The following PSME4 variants were observed in gnomAD, a reference collection of about 807,000 sequenced individuals.
The protein encoded by PSME4 is proteasome activator complex subunit 4.
A neutral mutation model predicts 253.9 loss-of-function variants in PSME4; 89 were observed. The observed-to-expected ratio is 0.35, with a 90% CI of 0.30 to 0.42. The LOEUF (loss-of-function observed/expected upper bound fraction) is 0.42, where lower values mean the gene tolerates loss of function less well. Among genes scored for constraint, PSME4 ranks in the 10% least tolerant of loss-of-function variants. The pLI is 1.00. For missense variants in PSME4, 2,014 were observed against 2,195.2 expected, an observed-to-expected ratio of 0.92 and a Z score of 1.65; for synonymous variants, 851 against 759.2, an observed-to-expected ratio of 1.12 and a Z score of -1.99.
intron 1 of PSME4, among the ~76,000 whole-genome samples, chr2:53,958,048 T>C (rs2104484754): frequency 6.6e-6 from 1 of 152,060 alleles, no homozygotes; most frequent in Middle Eastern, 3.4e-3. Flanking sequence ...TAGCTGGGCA[T>C]GGTGGCACAC....
At chr2:53,937,858 C>T (rs538634942) in intron 4 of PSME4, among the ~76,000 whole-genome samples, 14 of 152,032 alleles carry the variant, frequency 9.2e-5, no homozygotes, top group East Asian at 7.7e-4. Context: ...GACATGATGG[C>T]GGCGCACATC....
chr2:53,948,681 A>G, intron 2 of PSME4, 144 bp from the exon 3 acceptor site: 1 of 622,696 alleles, frequency 1.6e-6, no homozygotes, highest in Non-Finnish European at 2.8e-6. Context: ...TCACTAGCAG[A>G]ACATAGTATT....
At chr2:53,967,679 A>AAAAAAAAAAAAG (rs1670808609) in intron 1 of PSME4, among the ~76,000 whole-genome samples, 2 of 139,944 alleles carry the variant, frequency 1.4e-5, no homozygotes, top group African/African-American at 5.5e-5. Flanking sequence ...AAAAAAAAAA[A>AAAAAAAAAAAAG]GTCAAAAAGA....
intron 1 of PSME4, among the ~76,000 whole-genome samples, chr2:53,960,152 C>T (rs931254007): frequency 5.3e-5 from 8 of 152,172 alleles, no homozygotes; most frequent in African/African-American, 1.9e-4. Context: ...GTAATCTCAG[C>T]ACTTTGGGAG....
At chr2:53,895,296 G>A (rs535746472) in intron 33 of PSME4, among the ~76,000 whole-genome samples, 5 of 152,296 alleles carry the variant, frequency 3.3e-5, no homozygotes, top group Admixed American at 3.3e-4. Context: ...ATTTCTCTGG[G>A]CTGGTTTAGG....
At chr2:53,897,738 A>G in intron 31 of PSME4, 132 bp downstream of exon 31, 1 of 1,025,978 alleles carries the variant, frequency 9.7e-7, no homozygotes, top group Non-Finnish European at 1.4e-6. Flanking sequence ...CTGAATCAAC[A>G]GGGGGAGATT....
At chr2:53,927,712 T>C (rs1668625433) in intron 11 of PSME4, among the ~76,000 whole-genome samples, 1 of 152,104 alleles carries the variant, frequency 6.6e-6, no homozygotes, top group South Asian at 2.1e-4. Flanking sequence ...TTTGGGAGGC[T>C]GAGGCGGGTG....
chr2:53,911,130 C>T (rs1274889385), intron 20 of PSME4, among the ~76,000 whole-genome samples: 1 of 152,100 alleles, frequency 6.6e-6, no homozygotes, highest in Non-Finnish European at 1.5e-5. Context: ...AGGTATTTAT[C>T]TAAGTAATAG....
In PSME4 at chr2:53,940,977, A is replaced by T. The variant is rs913371030; in HGVS notation, c.501-977T>A. The stretch of plus-strand genomic sequence containing the variant: ...CATATATATATATATATATATATAT[A>T]TATATATATATATATATATATATGA... On this transcript the variant is annotated intron_variant, in intron 3 of 46. Transcript: ENST00000404125. Among the ~76,000 whole-genome samples, 102 of 75,724 alleles carry T rather than the reference A, an allele frequency of 1.3e-3. 6 individuals carry two copies. The highest frequency in any genetic ancestry group is 1.7e-3 in the Non-Finnish European group (54 of 32,508). 49.7% of individuals were successfully genotyped at this position (75,724 alleles called of 152,430 possible).
chr2:53,970,725 C>T lies in PSME4; in HGVS notation c.60G>A (p.Glu20=). 1 of 1,547,840 alleles carries T rather than the reference C, an allele frequency of 6.5e-7. No individual in the cohort carries two copies. Residue 20 remains glutamate, a synonymous_variant, in exon 1 of 47, where the codon GAG becomes GAA. Coordinates refer to ENST00000404125, the MANE Select transcript of PSME4 (RefSeq NM_014614.3). ...GEPPEPGGRP[E]PGPRGFVPQK... Reference sequence around the variant, plus strand: ...GCGGGACGAAGCCCCGCGGGCCCGGCTCGGGACGCCCGCCCGGCTCCGGGG... The same window carrying T: ...GCGGGACGAAGCCCCGCGGGCCCGGTTCGGGACGCCCGCCCGGCTCCGGGG...
chr2:53,904,247 T>C lies in PSME4; in HGVS notation c.2944-91A>G, dbSNP rs1680543343. 3 of 1,293,982 alleles carry C rather than the reference T, an allele frequency of 2.3e-6. No individual in the cohort carries two copies. In the South Asian group the frequency reaches 4.9e-5, roughly 21 times the overall value. The allele number at this position is 1,293,982 out of a possible 1,614,324, so 80.2% of individuals were successfully genotyped here. ...ATTATCAAAAACAGTAATGATAATT[T>C]ACATGTTTTTCTCATTAACAAAATA... On this transcript the variant is annotated intron_variant, in intron 26 of 46. Coordinates refer to ENST00000404125, the MANE Select transcript of PSME4 (RefSeq NM_014614.3).
At chr2:53,906,314 A>G (rs1680658002) in intron 26 of PSME4, among the ~76,000 whole-genome samples, 1 of 152,216 alleles carries the variant, frequency 6.6e-6, no homozygotes, top group South Asian at 2.1e-4. Flanking sequence ...AATTACAAAC[A>G]GCAACATTAA....
chr2:53,908,626 G>C, intron 22 of PSME4, 61 bp from the exon 23 acceptor site: 1 of 1,529,010 alleles, frequency 6.5e-7, no homozygotes, highest in Non-Finnish European at 8.8e-7. Context: ...TAAGAATCTT[G>C]AGGCATTAGT....
chr2:53,896,223 T>C (rs1264723695), intron 32 of PSME4, among the ~76,000 whole-genome samples: 1 of 152,186 alleles, frequency 6.6e-6, no homozygotes, highest in Non-Finnish European at 1.5e-5. Flanking sequence ...CTTTCATTAA[T>C]ACAGTAAAAT....
chr2:53,948,745 G>C (rs879474103), intron 2 of PSME4, among the ~76,000 whole-genome samples: 4 of 152,168 alleles, frequency 2.6e-5, no homozygotes, highest in Non-Finnish European at 4.4e-5. Context: ...AAGAGCAGCA[G>C]ATAAAAGAGG....
intron 26 of PSME4, among the ~76,000 whole-genome samples, chr2:53,905,175 G>C (rs765220984): frequency 1.1e-4 from 17 of 151,098 alleles, no homozygotes; most frequent in Middle Eastern, 3.4e-3. Context: ...GACTATAGGC[G>C]CATGCCACCA....
At chr2:53,949,740 T>C (rs530159820) in intron 1 of PSME4, among the ~76,000 whole-genome samples, 1 of 152,138 alleles carries the variant, frequency 6.6e-6, no homozygotes, top group African/African-American at 2.4e-5. Flanking sequence ...GACCAGGAAA[T>C]GGAGAGCTGT....
intron 37 of PSME4, among the ~76,000 whole-genome samples, chr2:53,889,737 C>G (rs1371342730): frequency 1.3e-5 from 2 of 152,190 alleles, no homozygotes; most frequent in African/African-American, 2.4e-5. Context: ...TATTATGTGG[C>G]TTTTACTATA....
At chr2:53,866,310 T>C in intron 45 of PSME4, 87 bp from the exon 46 acceptor site, 1 of 1,416,112 alleles carries the variant, frequency 7.1e-7, no homozygotes, top group Non-Finnish European at 9.6e-7. Context: ...TTACCGTCCC[T>C]CTAGACTTCA....
Sources: allele counts gnomAD v4.1 joint callset (sites outside exome capture counted in the v4.1 genomes callset), GRCh38; gene constraint gnomAD v4.1.1; transcripts MANE v1.5; gene names NCBI Gene and HGNC (gene_info 2026-07-23, HGNC 2026-07-21).